The following RSPO2 variants were observed in gnomAD, a reference collection of about 807,000 sequenced individuals.
RSPO2 encodes the protein R-spondin-2.
A neutral mutation model predicts 30.9 loss-of-function variants in RSPO2; 14 were observed. The observed-to-expected ratio is 0.45, with a 90% confidence interval of 0.30 to 0.71. The LOEUF (loss-of-function observed/expected upper bound fraction) is 0.71. RSPO2 is among the 30% of genes least tolerant of loss of function. The pLI is 0.08. For missense variants in RSPO2, 264 were observed against 301.9 expected, an observed-to-expected ratio of 0.87 and a Z score of 0.93; for synonymous variants, 107 against 96.4, an observed-to-expected ratio of 1.11 and a Z score of -0.64.
chr8:108,015,182 A>T (rs1810844762), intron 2 of RSPO2, among the ~76,000 whole-genome samples: 2 of 152,230 alleles, frequency 1.3e-5, no homozygotes, highest in South Asian at 2.1e-4. Context: ...AAGTTATATC[A>T]CATTCTTGTG....
intron 2 of RSPO2, among the ~76,000 whole-genome samples, chr8:108,079,492 C>T (rs984969805): frequency 6.6e-6 from 1 of 151,834 alleles, no homozygotes; most frequent in African/African-American, 2.4e-5. Flanking sequence ...TAAAATATAC[C>T]GTTAAATGAT....
chr8:108,047,904 A>G (rs1811954969), intron 2 of RSPO2, among the ~76,000 whole-genome samples: 1 of 151,624 alleles, frequency 6.6e-6, no homozygotes, highest in South Asian at 2.1e-4. Flanking sequence ...TACTGTGTCT[A>G]TAATATTCAT....
intron 2 of RSPO2, among the ~76,000 whole-genome samples, chr8:108,013,873 T>C (rs1300046390): frequency 6.6e-6 from 1 of 152,144 alleles, no homozygotes; most frequent in East Asian, 1.9e-4. Flanking sequence ...ACTAAAGAGC[T>C]TCTGCACAGC....
chr8:108,036,691 TGGGA>T (rs2130647540), intron 2 of RSPO2, among the ~76,000 whole-genome samples: 1 of 152,316 alleles, frequency 6.6e-6, no homozygotes, highest in African/African-American at 2.4e-5. Flanking sequence ...GGGGGTGAGG[TGGGA>T]GGAAGGTTGT....
rs190796303 is a variant in RSPO2, at chr8:107,983,481, C to T, written c.283+5575G>A. ...CCCTTTCTCAGAAGTACAGCCCTTC[C>T]ACAGAGAAATGTCTGCCTGAGATTC... On this transcript the variant is annotated intron_variant, in intron 3 of 5. Coordinates refer to ENST00000276659, the MANE Select transcript of RSPO2 (RefSeq NM_178565.5). 883 of 1,597,806 alleles carry T rather than the reference C, an allele frequency of 5.5e-4. No homozygotes were observed. The African/African-American group carries it at 0.01, about 18-fold the overall frequency.
At chr8:107,953,397 G>A (rs958928881) in intron 5 of RSPO2, among the ~76,000 whole-genome samples, 31 of 152,186 alleles carry the variant, frequency 2.0e-4, no homozygotes, top group Non-Finnish European at 4.1e-4. Context: ...AGGGAAAGCT[G>A]AATCAAAACA....
At position 108,082,764 on chromosome 8, in the gene RSPO2, C is replaced by A; in HGVS notation, c.-126G>T. On this transcript the variant is annotated 5_prime_UTR_variant, in exon 2 of 6. Coordinates refer to ENST00000276659, the MANE Select transcript of RSPO2 (RefSeq NM_178565.5). ...GGAGACTCGCCACTCACCCCCGGGC[C>A]GCACCGGTCAGTTCAGCGCGATCAG... 2.8e-6 allele frequency: 2 copies of A among 708,860 alleles called. No individual in the cohort carries two copies. The highest frequency in any genetic ancestry group is 4.8e-6 in the Non-Finnish European group (2 of 416,062). 43.9% of individuals were successfully genotyped at this position (708,860 alleles called of 1,614,324 possible).
intron 5 of RSPO2, among the ~76,000 whole-genome samples, chr8:107,952,915 G>A: frequency 6.6e-6 from 1 of 152,084 alleles, no homozygotes. Flanking sequence ...TTTGAAGAAA[G>A]AAAGAATACC....
At chr8:108,059,291 A>G (rs1586666878) in intron 2 of RSPO2, among the ~76,000 whole-genome samples, 1 of 152,030 alleles carries the variant, frequency 6.6e-6, no homozygotes, top group East Asian at 1.9e-4. Context: ...GCAAATCAAA[A>G]CCACAATGAG....
intron 2 of RSPO2, among the ~76,000 whole-genome samples, chr8:108,005,661 A>C (rs1320972049): frequency 6.6e-6 from 1 of 152,156 alleles, no homozygotes; most frequent in Non-Finnish European, 1.5e-5. Flanking sequence ...GCTCTCCAAA[A>C]TATTGTAGTT....
intron 2 of RSPO2, among the ~76,000 whole-genome samples, chr8:108,049,814 G>A (rs1812023769): frequency 6.6e-6 from 1 of 152,078 alleles, no homozygotes; most frequent in African/African-American, 2.4e-5. Context: ...TAATGGGCAT[G>A]TGGTTTGGTT....
chr8:107,986,772 C>T lies in RSPO2; in HGVS notation c.283+2284G>A, dbSNP rs900693215. ...ACACTCTTGCCTTGTCTTCCTTGTG[C>T]GCTAATAGTCTGGAATGAAACACAT... On this transcript the variant is annotated intron_variant, in intron 3 of 5. Coordinates refer to ENST00000276659, the MANE Select transcript of RSPO2 (RefSeq NM_178565.5). Among the ~76,000 whole-genome samples the T allele has an allele frequency of 7.9e-5, 12 of 152,068 alleles. 1 individual carries two copies. The South Asian group carries it at 1.5e-3, about 18-fold the overall frequency.
At chr8:107,916,678 T>C (rs1811993808) in intron 5 of RSPO2, among the ~76,000 whole-genome samples, 1 of 151,996 alleles carries the variant, frequency 6.6e-6, no homozygotes, top group Non-Finnish European at 1.5e-5. Flanking sequence ...GAGAAAAGGG[T>C]TGGTCTTGTA....
chr8:107,950,891 G>T (rs1219845994), intron 5 of RSPO2, among the ~76,000 whole-genome samples: 1 of 151,804 alleles, frequency 6.6e-6, no homozygotes, highest in Non-Finnish European at 1.5e-5. Flanking sequence ...TTTGTCTTCT[G>T]ATAGTGAAGG....
intron 5 of RSPO2, among the ~76,000 whole-genome samples, chr8:107,912,531 T>C (rs943797771): frequency 1.3e-5 from 2 of 152,202 alleles, no homozygotes; most frequent in African/African-American, 2.4e-5. Flanking sequence ...ACTTGTGCTA[T>C]AGCAGATTCA....
In RSPO2 at chr8:107,984,362, C is replaced by T. The variant is rs763355688; in HGVS notation, c.283+4694G>A. Among the ~76,000 whole-genome samples the T allele has an allele frequency of 9.9e-5, 15 of 152,144 alleles. 1 individual carries two copies. Among genetic ancestry groups the T allele is most frequent in the African/African-American group, 3.4e-4 (14 of 41,514 alleles). Reference sequence around the variant, plus strand: ...TGCAAAACCTAAATAATATGGTGGCCGGAGGGGCTGCTTTATATTTGAAAC... The same window carrying T: ...TGCAAAACCTAAATAATATGGTGGCTGGAGGGGCTGCTTTATATTTGAAAC... On this transcript the variant is annotated intron_variant, in intron 3 of 5. Transcript: ENST00000276659.
chr8:108,021,301 A>G (rs1011312520), intron 2 of RSPO2, among the ~76,000 whole-genome samples: 12 of 152,214 alleles, frequency 7.9e-5, no homozygotes, highest in Non-Finnish European at 5.9e-5. Context: ...TATGTAAATA[A>G]ATGAACTTTT....
At chr8:107,991,844 C>T (rs1477824186) in intron 2 of RSPO2, among the ~76,000 whole-genome samples, 1 of 152,102 alleles carries the variant, frequency 6.6e-6, no homozygotes, top group Non-Finnish European at 1.5e-5. Context: ...GATACCATCT[C>T]CCACCAGTCA....
intron 5 of RSPO2, among the ~76,000 whole-genome samples, chr8:107,907,679 C>T (rs902539542): frequency 3.9e-5 from 6 of 152,064 alleles, no homozygotes; most frequent in Non-Finnish European, 8.8e-5. Context: ...TCTCAACATA[C>T]AAATGTGACA....
Sources: allele counts gnomAD v4.1 joint callset (sites outside exome capture counted in the v4.1 genomes callset), GRCh38; gene constraint gnomAD v4.1.1; transcripts MANE v1.5; gene names NCBI Gene and HGNC (gene_info 2026-07-23, HGNC 2026-07-21).